The following KPNA4 variants were observed in gnomAD, a reference collection of about 807,000 sequenced individuals.
The protein encoded by KPNA4 is importin subunit alpha-3.
In KPNA4, 13 loss-of-function variants were observed where a neutral mutation model predicts 71.3. The ratio of observed to expected loss-of-function variants is 0.18; its 90% CI spans 0.12 to 0.29. The LOEUF (loss-of-function observed/expected upper bound fraction) is 0.29. KPNA4 is among the 10% of genes least tolerant of loss of function. The pLI, the probability that KPNA4 is intolerant of heterozygous loss-of-function variation, is 1.00. For synonymous variants in KPNA4, 189 were observed against 195.2 expected, an observed-to-expected ratio of 0.97 and a Z score of 0.26; for missense variants, 334 against 603.2, an observed-to-expected ratio of 0.55 and a Z score of 4.67.
In KPNA4 at chr3:160,501,148, T is replaced by C. The variant is rs1417829956; in HGVS notation, c.*956A>G. 6.6e-6 allele frequency: 1 copy of C among 152,456 alleles called. No homozygotes were observed. 9.4% of individuals were successfully genotyped at this position (152,456 alleles called of 1,614,324 possible). ...ATGCAAAAATCTACACAAATTAGTTTTGATGATATGGAAAGCTTTTCATAG... is the reference window on the plus strand; with the variant it reads ...ATGCAAAAATCTACACAAATTAGTTCTGATGATATGGAAAGCTTTTCATAG... On this transcript the variant is annotated 3_prime_UTR_variant, in exon 17 of 17. Coordinates refer to ENST00000334256, the MANE Select transcript of KPNA4 (RefSeq NM_002268.5).
intron 1 of KPNA4, among the ~76,000 whole-genome samples, chr3:160,555,753 T>C (rs764132721): frequency 1.3e-5 from 2 of 152,104 alleles, no homozygotes; most frequent in African/African-American, 4.8e-5. Flanking sequence ...TGTATGCATA[T>C]ACCATACTTT....
chr3:160,509,980 G>A (rs923845932), intron 13 of KPNA4, 109 bp from the exon 14 acceptor site: 1 of 739,896 alleles, frequency 1.4e-6, no homozygotes, highest in Non-Finnish European at 2.4e-6. Flanking sequence ...TCTCCTTTTA[G>A]TCTTTCTGTA....
At chr3:160,514,667 T>C (rs149569341) in intron 12 of KPNA4, among the ~76,000 whole-genome samples, 5 of 152,312 alleles carry the variant, frequency 3.3e-5, no homozygotes, top group African/African-American at 1.2e-4. Context: ...AAAAACAAAG[T>C]GCATTGTTTT....
chr3:160,538,806 C>A (rs1721739058), intron 1 of KPNA4, among the ~76,000 whole-genome samples: 1 of 152,114 alleles, frequency 6.6e-6, no homozygotes, highest in Admixed American at 6.5e-5. Flanking sequence ...GTAGCAAGGC[C>A]TTAACTAATA....
chr3:160,513,249 G>GTTTTTTTTTTTTTTTT (rs946090860), intron 13 of KPNA4, among the ~76,000 whole-genome samples: 1 of 80,626 alleles, frequency 1.2e-5, no homozygotes, highest in Non-Finnish European at 2.3e-5. Flanking sequence ...CTACTTTGTG[G>GTTTTTTTTTTTTTTTT]TTTTTTTTTT....
rs550176576 is a variant in KPNA4 at position 160,504,532 on chromosome 3, T to C, written c.1467+426A>G. ...GCCTTACCTTTTTATTTCCATCTTATTTATTTTCGTATTTGTTTTTGGCCA... is the reference window on the plus strand; with the variant it reads ...GCCTTACCTTTTTATTTCCATCTTACTTATTTTCGTATTTGTTTTTGGCCA... On this transcript the variant is annotated intron_variant, in intron 16 of 16. Transcript: ENST00000334256. Among the ~76,000 whole-genome samples, 18 of 152,328 alleles carry C rather than the reference T, an allele frequency of 1.2e-4. 1 individual carries two copies. The South Asian group carries it at 3.7e-3, about 32-fold the overall frequency.
Position 160,555,507 on chromosome 3 carries a change from TA to T in KPNA4, c.69+9706del, listed in dbSNP as rs545190548. Among the ~76,000 whole-genome samples, 39 of 152,306 alleles carry T rather than the reference TA, an allele frequency of 2.6e-4. 1 individual carries two copies. The South Asian group carries it at 7.9e-3, about 31-fold the overall frequency. ...TTTTTCTATGCCTACATATCTATGATAAAACTTACTTTATCAATTAGGCACA... is the reference window on the plus strand; with the variant it reads ...TTTTTCTATGCCTACATATCTATGATAAACTTACTTTATCAATTAGGCACA... On this transcript the variant is annotated intron_variant, in intron 1 of 16. Coordinates refer to ENST00000334256, the MANE Select transcript of KPNA4 (RefSeq NM_002268.5).
Position 160,553,056 on chromosome 3 carries a change from A to C in KPNA4, c.69+12158T>G, listed in dbSNP as rs1722072891. On this transcript the variant is annotated intron_variant, in intron 1 of 16. Coordinates refer to ENST00000334256, the MANE Select transcript of KPNA4 (RefSeq NM_002268.5). ...CTGGAGAAAGGCAATAGCAGAAACA[A>C]GGTAACCACTCTGGAGATGAGACAA... Among the ~76,000 whole-genome samples, 3 of 152,198 alleles carry C rather than the reference A, an allele frequency of 2.0e-5. No individual in the cohort carries two copies. The South Asian group carries it at 6.2e-4, about 32-fold the overall frequency.
intron 1 of KPNA4, among the ~76,000 whole-genome samples, chr3:160,553,262 C>G (rs556086908): frequency 1.3e-5 from 2 of 152,162 alleles, no homozygotes; most frequent in Admixed American, 1.3e-4. Flanking sequence ...TACCCCTATA[C>G]TCCTCACACC....
intron 6 of KPNA4, among the ~76,000 whole-genome samples, chr3:160,531,207 T>C (rs150732521): frequency 1.3e-5 from 2 of 152,332 alleles, no homozygotes; most frequent in Admixed American, 6.5e-5. Context: ...TTTTCTCAAG[T>C]ACCTATCTGG....
chr3:160,538,320 T>C (rs1721731359), intron 1 of KPNA4, among the ~76,000 whole-genome samples: 1 of 152,148 alleles, frequency 6.6e-6, no homozygotes, highest in Admixed American at 6.6e-5. Context: ...TAGTAACTAC[T>C]ATAACTTCAA....
chr3:160,500,221 C>T lies in KPNA4; in HGVS notation c.*1883G>A, dbSNP rs56389920. The T allele has an allele frequency of 2.0e-5, 3 of 152,526 alleles. No individual in the cohort carries two copies. Among genetic ancestry groups the T allele is most frequent in the Non-Finnish European group, 4.4e-5 (3 of 67,996 alleles). 9.4% of individuals were successfully genotyped at this position (152,526 alleles called of 1,614,324 possible). A position where few individuals can be genotyped will look rare whatever the true frequency, so the allele number is the denominator to read the frequency against. On this transcript the variant is annotated 3_prime_UTR_variant, in exon 17 of 17. Transcript: ENST00000334256. Reference sequence around the variant, plus strand: ...TTTCCCCAAGACAGCCTAGCCTGCACTCTACTTGGATAAATTTTACAAGCT... The same window carrying T: ...TTTCCCCAAGACAGCCTAGCCTGCATTCTACTTGGATAAATTTTACAAGCT...
intron 13 of KPNA4, among the ~76,000 whole-genome samples, chr3:160,512,243 A>G (rs115849183): frequency 9.8e-5 from 15 of 152,306 alleles, no homozygotes; most frequent in African/African-American, 3.4e-4. Context: ...AGGCCTGGGA[A>G]TCATGTCATA....
rs568958273 is a variant in KPNA4 at position 160,565,452 on chromosome 3, G to A, written c.-170C>T. On this transcript the variant is annotated 5_prime_UTR_variant, in exon 1 of 17. Transcript: ENST00000334256. ...TCCGCCGCGGCCTTCTCCTCTCCCC[G>A]CCCGCCCCCCCGCCCTAACCCCAGC... 1.0e-4 allele frequency: 59 copies of A among 592,414 alleles called. No homozygotes were observed. In the South Asian group the frequency reaches 1.1e-3, roughly 11 times the overall value. The allele number at this position is 592,414 out of a possible 1,614,324, so 36.7% of individuals were successfully genotyped here. A position where few individuals can be genotyped will look rare whatever the true frequency, so the allele number is the denominator to read the frequency against.
chr3:160,526,543 T>C (rs112344757), intron 8 of KPNA4, among the ~76,000 whole-genome samples: 66 of 152,360 alleles, frequency 4.3e-4, no homozygotes, highest in African/African-American at 1.4e-3. Flanking sequence ...AGTGCTAGAA[T>C]AGTGGTTCTC....
At chr3:160,540,607 C>T (rs80230570) in intron 1 of KPNA4, among the ~76,000 whole-genome samples, 3,497 of 152,272 alleles carry the variant, frequency 0.023, 72 homozygotes, top group East Asian at 0.084. Flanking sequence ...AGTTGTTCTT[C>T]GGGACCCCAT....
intron 1 of KPNA4, among the ~76,000 whole-genome samples, chr3:160,562,494 G>C (rs1276256709): frequency 2.6e-5 from 4 of 152,168 alleles, no homozygotes; most frequent in Non-Finnish European, 5.9e-5. Flanking sequence ...AGTGTTTAGA[G>C]AGATACAGCA....
intron 1 of KPNA4, among the ~76,000 whole-genome samples, chr3:160,556,554 C>T (rs1040216530): frequency 6.6e-6 from 1 of 152,136 alleles, no homozygotes; most frequent in African/African-American, 2.4e-5. Flanking sequence ...CTTGGGAACA[C>T]AAGTGTTTCA....
chr3:160,518,899 C>T (rs1210505316), intron 11 of KPNA4, among the ~76,000 whole-genome samples: 1 of 152,106 alleles, frequency 6.6e-6, no homozygotes, highest in African/African-American at 2.4e-5. Context: ...TCATAAAATG[C>T]ATAGGTTTAT....
Sources: allele counts gnomAD v4.1 joint callset (sites outside exome capture counted in the v4.1 genomes callset), GRCh38; gene constraint gnomAD v4.1.1; transcripts MANE v1.5; gene names NCBI Gene and HGNC (gene_info 2026-07-23, HGNC 2026-07-21).